The following RP1 variants were observed in gnomAD, a reference collection of about 807,000 sequenced individuals.
RP1 encodes RP1 axonemal microtubule associated.
RP1 carries 16 observed loss-of-function variants against 14.8 expected under a neutral mutation model. That is an observed-to-expected ratio of 1.08 (90% CI 0.73 to 1.65). The LOEUF (loss-of-function observed/expected upper bound fraction) is 1.65. Among genes scored for constraint, RP1 ranks in the 40% most tolerant of loss-of-function variants. The pLI is 0.00. For synonymous variants in RP1, 876 were observed against 883.6 expected, an observed-to-expected ratio of 0.99 and a Z score of 0.15; for missense variants, 2,631 against 2,535.0, an observed-to-expected ratio of 1.04 and a Z score of -0.81.
intron 1 of RP1, among the ~76,000 whole-genome samples, chr8:54,564,010 G>C (rs1003482829): frequency 1.3e-5 from 2 of 152,202 alleles, no homozygotes; most frequent in Non-Finnish European, 2.9e-5. Flanking sequence ...GCTATTTCAA[G>C]TTATGCTGGT....
chr8:54,663,455 A>C (rs768110164), intron 6 of RP1, among the ~76,000 whole-genome samples: 1 of 152,190 alleles, frequency 6.6e-6, no homozygotes, highest in Non-Finnish European at 1.5e-5. Context: ...TATTGTTATA[A>C]TTAATCAATT....
intron 12 of RP1, among the ~76,000 whole-genome samples, chr8:54,691,968 C>G (rs1807725016): frequency 6.6e-6 from 1 of 151,866 alleles, no homozygotes; most frequent in African/African-American, 2.4e-5. Flanking sequence ...GCTCCCCCCT[C>G]CCCCAACCCT....
At chr8:54,723,346 G>A (rs560552257) in intron 16 of RP1, among the ~76,000 whole-genome samples, 18 of 152,170 alleles carry the variant, frequency 1.2e-4, no homozygotes, top group Middle Eastern at 3.4e-3. Context: ...AAGAGATTCC[G>A]TCTCATCACC....
intron 24 of RP1, among the ~76,000 whole-genome samples, chr8:54,814,233 T>TA (rs1365678481): frequency 2.6e-4 from 40 of 152,336 alleles, no homozygotes; most frequent in Admixed American, 1.3e-4. Context: ...GTTAGGCGCA[T>TA]ATTTAAGACA....
chr8:54,700,841 G>A (rs1426466289), intron 13 of RP1, among the ~76,000 whole-genome samples: 1 of 152,088 alleles, frequency 6.6e-6, no homozygotes, highest in Admixed American at 6.6e-5. Context: ...ACTGAGATGT[G>A]CTCATCCAGT....
At chr8:54,614,505 T>C (rs570188314), upstream of RP1, among the ~76,000 whole-genome samples, 1 of 151,820 alleles carries the variant, frequency 6.6e-6, no homozygotes, top group Admixed American at 6.6e-5. Flanking sequence ...TCCCAGGAAA[T>C]TCATGTGCAC....
At chr8:54,724,903 C>T (rs1808618339) in intron 16 of RP1, among the ~76,000 whole-genome samples, 2 of 152,178 alleles carry the variant, frequency 1.3e-5, no homozygotes, top group Admixed American at 1.3e-4. Context: ...ATTCTTGTTT[C>T]ACAGTTCTGC....
intron 25 of RP1, among the ~76,000 whole-genome samples, chr8:54,848,850 G>A (rs927384627): frequency 1.3e-5 from 2 of 152,122 alleles, no homozygotes; most frequent in Non-Finnish European, 2.9e-5. Flanking sequence ...CTGGGTTCAA[G>A]CTATTCTCCC....
intron 3 of RP1, among the ~76,000 whole-genome samples, chr8:54,644,406 A>T (rs1290908517): frequency 6.6e-6 from 1 of 152,092 alleles, no homozygotes; most frequent in East Asian, 1.9e-4. Context: ...TGTTTCTTTC[A>T]TCTGATGAAA....
In RP1 at chr8:54,706,363, A is replaced by C. The variant is rs1434710441; in HGVS notation, c.1999-80A>C. The C allele has an allele frequency of 2.9e-6, 4 of 1,378,262 alleles. No homozygotes were observed. The East Asian group carries it at 1.0e-4, about 35-fold the overall frequency. 85.4% of individuals were successfully genotyped at this position (1,378,262 alleles called of 1,614,324 possible). The stretch of plus-strand genomic sequence containing the variant: ...TGGTCACTATGGCTTCAGTAAGAGA[A>C]TTGCCTCTATAGTTGTCTCCCTCTA... On this transcript the variant is annotated intron_variant, in intron 14 of 22. Transcript: ENST00000636932.
At chr8:54,869,929 C>T in exon 29 of RP1, 1 of 1,230,354 alleles carries the variant, frequency 8.1e-7, no homozygotes, top group Non-Finnish European at 1.0e-6. Context: ...GAGACTGGGT[C>T]TACCATCTCC....
At chr8:54,574,556 C>G in intron 1 of RP1, among the ~76,000 whole-genome samples, 1 of 151,990 alleles carries the variant, frequency 6.6e-6, no homozygotes, top group East Asian at 1.9e-4. Context: ...AGATGTAGCC[C>G]TAAATTTGTA....
At chr8:54,760,573 C>A (rs1809614726) in intron 22 of RP1, among the ~76,000 whole-genome samples, 1 of 152,214 alleles carries the variant, frequency 6.6e-6, no homozygotes. Flanking sequence ...CAATAATCCT[C>A]ATTGCCTACC....
chr8:54,762,412 C>CT (rs1809662204), intron 22 of RP1, among the ~76,000 whole-genome samples: 1 of 152,142 alleles, frequency 6.6e-6, no homozygotes. Context: ...TCCTTTTTCC[C>CT]TCTTCAACTG....
At chr8:54,852,906 G>A (rs965352490) in intron 26 of RP1, among the ~76,000 whole-genome samples, 1 of 152,168 alleles carries the variant, frequency 6.6e-6, no homozygotes, top group South Asian at 2.1e-4. Context: ...TAGAGGATGG[G>A]ACTTAACTCA....
chr8:54,769,484 G>A (rs1390547651), intron 22 of RP1, among the ~76,000 whole-genome samples: 1 of 152,044 alleles, frequency 6.6e-6, no homozygotes, highest in Non-Finnish European at 1.5e-5. Flanking sequence ...ACCTGGAGAG[G>A]TGGGTGGTTA....
chr8:54,697,148 A>T, intron 12 of RP1: 2 of 971,286 alleles, frequency 2.1e-6, no homozygotes, highest in Non-Finnish European at 3.2e-6. Context: ...GAACAGCACT[A>T]CATTTTTATC....
intron 23 of RP1, among the ~76,000 whole-genome samples, chr8:54,776,556 C>T (rs946798550): frequency 2.0e-5 from 3 of 152,148 alleles, no homozygotes; most frequent in Admixed American, 6.6e-5. Flanking sequence ...GAACTAATCT[C>T]CCTGGAACAC....
At chr8:54,663,776 C>T (rs1806949806) in exon 7 of RP1, 1 of 1,534,870 alleles carries the variant, frequency 6.5e-7, no homozygotes. Flanking sequence ...CATTTCTATC[C>T]ATGGGGAAAA....
Sources: gnomAD v4.1 joint callset for allele counts (sites outside exome capture counted in the v4.1 genomes callset) on GRCh38, gnomAD v4.1.1 for gene constraint, MANE v1.5 for transcripts, NCBI Gene and HGNC (gene_info 2026-07-23, HGNC 2026-07-21) for gene names.